The following CEP85L variants were observed in gnomAD, a reference collection of about 807,000 sequenced individuals.
CEP85L encodes centrosomal protein of 85 kDa-like.
A neutral mutation model predicts 100.3 loss-of-function variants in CEP85L; 60 were observed. The observed-to-expected ratio is 0.60, with a 90% confidence interval of 0.49 to 0.74. CEP85L has a LOEUF of 0.74. Ranked by LOEUF, CEP85L falls within the 30% of genes least tolerant of loss-of-function variation. The pLI, the probability that CEP85L is intolerant of heterozygous loss-of-function variation, is 0.00. For missense variants in CEP85L, 973 were observed against 936.2 expected (o/e 1.04, Z -0.51); for synonymous variants, 319 against 322.7 (o/e 0.99, Z 0.12).
intron 1 of CEP85L, among the ~76,000 whole-genome samples, chr6:118,633,774 C>T (rs926357512): frequency 2.6e-5 from 4 of 152,144 alleles, no homozygotes; most frequent in Admixed American, 6.5e-5. Context: ...ATTTTAAATT[C>T]GTTCAACTTT....
At chr6:118,501,409 G>A (rs1457026218) in intron 5 of CEP85L, 1 of 372,654 alleles carries the variant, frequency 2.7e-6, no homozygotes, top group Non-Finnish European at 5.1e-6. Flanking sequence ...CAGCCCATGA[G>A]ACCTAGCTGG....
At chr6:118,573,550 A>C (rs943633527) in intron 2 of CEP85L, among the ~76,000 whole-genome samples, 1 of 152,212 alleles carries the variant, frequency 6.6e-6, no homozygotes, top group Non-Finnish European at 1.5e-5. Context: ...AACAATATCT[A>C]ACATGTGGTT....
At chr6:118,679,623 T>C (rs1310107251) in intron 1 of CEP85L, among the ~76,000 whole-genome samples, 1 of 152,162 alleles carries the variant, frequency 6.6e-6, no homozygotes, top group Non-Finnish European at 1.5e-5. Context: ...CAAAATCAAA[T>C]GCCTTCAGGG....
chr6:118,709,020 C>T (rs1448790546), intron 1 of CEP85L, among the ~76,000 whole-genome samples: 1 of 152,086 alleles, frequency 6.6e-6, no homozygotes, highest in Non-Finnish European at 1.5e-5. Context: ...TCATTAGAAA[C>T]CGGTAATATA....
At chr6:118,606,386 T>C (rs1395052219) in intron 2 of CEP85L, among the ~76,000 whole-genome samples, 1 of 152,212 alleles carries the variant, frequency 6.6e-6, no homozygotes, top group Admixed American at 6.5e-5. Context: ...TACTTCCTAG[T>C]GGAGAACTGA....
chr6:118,541,899 T>C (rs773002449), intron 3 of CEP85L, among the ~76,000 whole-genome samples: 1 of 152,196 alleles, frequency 6.6e-6, no homozygotes, highest in East Asian at 1.9e-4. Flanking sequence ...GAAGTTTCTC[T>C]AATTATAAGG....
Position 118,480,520 on chromosome 6 carries a change from CA to C in CEP85L, c.1746-8del. 1 of 1,545,434 alleles carries C rather than the reference CA, an allele frequency of 6.5e-7. No individual in the cohort carries two copies. The highest frequency in any genetic ancestry group is 1.1e-5 in the South Asian group (1 of 87,638). On this transcript the variant is annotated splice_region_variant and splice_polypyrimidine_tract_variant and intron_variant, in intron 8 of 12. Transcript: ENST00000368491. ...TTCTACTTTTTGTTGCAAACTATTT[CA>C]AAAGACAATTATATGAAGAAAATAA...
At chr6:118,704,564 G>A (rs1234153261) in intron 1 of CEP85L, among the ~76,000 whole-genome samples, 1 of 152,162 alleles carries the variant, frequency 6.6e-6, no homozygotes, top group African/African-American at 2.4e-5. Flanking sequence ...CGCCTCCTGG[G>A]TTTTCAAGTG....
chr6:118,646,825 G>A (rs1775231075), intron 1 of CEP85L: 1 of 506,758 alleles, frequency 2.0e-6, no homozygotes. Flanking sequence ...ATTTCATCCA[G>A]TCTGAAAAAT....
intron 1 of CEP85L, among the ~76,000 whole-genome samples, chr6:118,669,860 A>G (rs1244982924): frequency 6.6e-6 from 1 of 151,204 alleles, no homozygotes; most frequent in Non-Finnish European, 1.5e-5. Flanking sequence ...AATGTGGTAG[A>G]GCGCTGAATT....
intron 6 of CEP85L, among the ~76,000 whole-genome samples, chr6:118,484,795 G>A (rs1774057771): frequency 6.6e-6 from 1 of 152,172 alleles, no homozygotes; most frequent in Admixed American, 6.5e-5. Flanking sequence ...CAGAGAAATT[G>A]CTTATAGTGT....
At chr6:118,513,256 T>C (rs575049203) in intron 4 of CEP85L, among the ~76,000 whole-genome samples, 4 of 151,760 alleles carry the variant, frequency 2.6e-5, no homozygotes, top group African/African-American at 9.7e-5. Flanking sequence ...GGTAAGAAGG[T>C]GGCAGGGGGT....
intron 6 of CEP85L, among the ~76,000 whole-genome samples, chr6:118,489,262 GCT>G (rs1161597604): frequency 1.8e-5 from 2 of 112,810 alleles, no homozygotes; most frequent in Non-Finnish European, 1.8e-5. Context: ...AAAGTGCAAA[GCT>G]CTGTCTCAAA....
intron 11 of CEP85L, 99 bp from the exon 12 acceptor site, chr6:118,469,402 C>T (rs1158480279): frequency 1.2e-5 from 10 of 865,114 alleles, no homozygotes; most frequent in East Asian, 2.5e-5. Context: ...ATAAACAAAA[C>T]GATGGAGTCA....
chr6:118,613,967 C>A (rs970962532), intron 2 of CEP85L, among the ~76,000 whole-genome samples: 2 of 151,914 alleles, frequency 1.3e-5, no homozygotes, highest in Non-Finnish European at 2.9e-5. Context: ...TATCGATACA[C>A]GAAAACAATC....
chr6:118,572,363 G>A (rs1376479417), intron 2 of CEP85L, among the ~76,000 whole-genome samples: 2 of 149,744 alleles, frequency 1.3e-5, no homozygotes, highest in Non-Finnish European at 3.0e-5. Context: ...AGACCATCCT[G>A]GCCAACATCG....
chr6:118,557,892 C>T (rs1344954808), intron 3 of CEP85L, among the ~76,000 whole-genome samples: 1 of 151,758 alleles, frequency 6.6e-6, no homozygotes, highest in Admixed American at 6.6e-5. Flanking sequence ...AACATGATTC[C>T]ATGTTTTTAA....
intron 6 of CEP85L, among the ~76,000 whole-genome samples, chr6:118,489,888 T>C (rs973863924): frequency 6.6e-6 from 1 of 152,002 alleles, no homozygotes; most frequent in African/African-American, 2.4e-5. Context: ...ACAATCTAAA[T>C]ATCCAGCAAC....
intron 1 of CEP85L, among the ~76,000 whole-genome samples, chr6:118,694,426 T>G (rs1777141233): frequency 6.6e-6 from 1 of 152,208 alleles, no homozygotes; most frequent in Admixed American, 6.5e-5. Context: ...TTAAAATACA[T>G]TTTTCCAATA....
Sources: allele counts gnomAD v4.1 joint callset (sites outside exome capture counted in the v4.1 genomes callset), GRCh38; gene constraint gnomAD v4.1.1; transcripts MANE v1.5; gene names NCBI Gene and HGNC (gene_info 2026-07-23, HGNC 2026-07-21).